The following TTC7B variants were observed in gnomAD, a reference collection of about 807,000 sequenced individuals.
The protein encoded by TTC7B is tetratricopeptide repeat domain 7B, also known as tetratricopeptide repeat protein 7B.
In TTC7B, 28 loss-of-function variants were observed where a neutral mutation model predicts 106.8. That is an observed-to-expected ratio of 0.26 (90% CI 0.19 to 0.36). The LOEUF is 0.36. Among genes scored for constraint, TTC7B ranks in the 10% least tolerant of loss-of-function variants. The pLI is 1.00. For synonymous variants in TTC7B, 405 were observed against 430.6 expected, an observed-to-expected ratio of 0.94 and a Z score of 0.74; for missense variants, 862 against 1,076.4, an observed-to-expected ratio of 0.80 and a Z score of 2.79.
intron 4 of TTC7B, among the ~76,000 whole-genome samples, chr14:90,738,614 A>T (rs1387789506): frequency 6.6e-6 from 1 of 152,154 alleles, no homozygotes; most frequent in Non-Finnish European, 1.5e-5. Flanking sequence ...GCTCAAAAAA[A>T]AAAAAGAGGT....
chr14:90,625,943 C>G (rs1884419798), intron 15 of TTC7B, among the ~76,000 whole-genome samples: 1 of 152,178 alleles, frequency 6.6e-6, no homozygotes, highest in African/African-American at 2.4e-5. Flanking sequence ...TCAAATAATA[C>G]TTTGCTACTC....
chr14:90,605,778 A>G (rs1428666133), intron 17 of TTC7B: 1 of 1,237,666 alleles, frequency 8.1e-7, no homozygotes, highest in Admixed American at 3.3e-5. Flanking sequence ...TGAAAGAGAA[A>G]AAAAGGGTGA....
At chr14:90,702,539 A>C (rs951735142) in intron 5 of TTC7B, among the ~76,000 whole-genome samples, 7 of 152,228 alleles carry the variant, frequency 4.6e-5, no homozygotes, top group Non-Finnish European at 1.0e-4. Flanking sequence ...TTAAAAAAAA[A>C]AAACTTTTGG....
rs1891323374 is a variant in TTC7B at position 90,577,925 on chromosome 14, C to T, written c.2310+181G>A. 6.6e-6 allele frequency among the ~76,000 whole-genome samples: 1 copy of T among 152,220 alleles called. No individual in the cohort carries two copies. Among genetic ancestry groups the T allele is most frequent in the Non-Finnish European group, 1.5e-5 (1 of 68,034 alleles). ...CTATACACAGCCAACTCTGGGGGTG[C>T]CATTTGCATAAACTATGGTAGAAAC... is the stretch of plus-strand genomic sequence containing the variant. On this transcript the variant is annotated intron_variant, in intron 19 of 19. Transcript: ENST00000328459. This position sits in a 1 kb window ranked among gnomAD's most constrained non-coding sequence, Gnocchi z 5.0.
intron 19 of TTC7B, among the ~76,000 whole-genome samples, chr14:90,568,901 A>T (rs1395923982): frequency 6.6e-6 from 1 of 152,252 alleles, no homozygotes; most frequent in Non-Finnish European, 1.5e-5. Flanking sequence ...AAGCTAAAAA[A>T]GTGCAGTTTC....
At chr14:90,709,992 A>AG (rs1427336076) in intron 5 of TTC7B, among the ~76,000 whole-genome samples, 2 of 150,926 alleles carry the variant, frequency 1.3e-5, no homozygotes, top group African/African-American at 2.4e-5. Flanking sequence ...AAAAAAAAAA[A>AG]AAAGAAAAGA....
At position 90,536,979 on chromosome 14, in the gene TTC7B, A is replaced by C. The variant is rs1229212330; in HGVS notation, c.*4389T>G. The C allele has an allele frequency of 6.6e-6, 1 of 152,568 alleles. No individual in the cohort carries two copies. Among genetic ancestry groups the C allele is most frequent in the Non-Finnish European group, 1.5e-5 (1 of 68,324 alleles). The allele number at this position is 152,568 out of a possible 1,614,324, so 9.5% of individuals were successfully genotyped here. A position where few individuals can be genotyped will look rare whatever the true frequency, so the allele number is the denominator to read the frequency against. On this transcript the variant is annotated 3_prime_UTR_variant, in exon 20 of 20. Coordinates refer to ENST00000328459, the MANE Select transcript of TTC7B (RefSeq NM_001010854.2). Reference sequence around the variant, plus strand: ...TCAAAGGCAGAAAGGTGACGCAGTGACGGAGCAGAGGAAGGAAAGGTGACG... The same window carrying C: ...TCAAAGGCAGAAAGGTGACGCAGTGCCGGAGCAGAGGAAGGAAAGGTGACG...
intron 3 of TTC7B, among the ~76,000 whole-genome samples, chr14:90,765,387 T>C (rs181124553): frequency 3.3e-5 from 5 of 152,312 alleles, no homozygotes; most frequent in Admixed American, 2.6e-4. Flanking sequence ...CTGAAATTGA[T>C]TGTGGTGATG....
intron 15 of TTC7B, among the ~76,000 whole-genome samples, chr14:90,634,494 G>A (rs559612282): frequency 3.9e-5 from 6 of 152,166 alleles, no homozygotes; most frequent in South Asian, 4.1e-4. Flanking sequence ...GAGGGAGGCC[G>A]GGTGGGGTGG....
intron 13 of TTC7B, among the ~76,000 whole-genome samples, chr14:90,650,455 T>C (rs1309174745): frequency 1.4e-4 from 21 of 152,194 alleles, no homozygotes; most frequent in Admixed American, 1.4e-3. Flanking sequence ...GCAAGTCCCA[T>C]GTTCTGGGAA....
At chr14:90,792,346 G>A (rs1231323174) in intron 1 of TTC7B, among the ~76,000 whole-genome samples, 1 of 152,146 alleles carries the variant, frequency 6.6e-6, no homozygotes, top group Admixed American at 6.6e-5. Flanking sequence ...GGAGGCCGAG[G>A]CAGGTGGATC....
At chr14:90,586,331 T>C (rs1300935369) in intron 18 of TTC7B, among the ~76,000 whole-genome samples, 3 of 152,180 alleles carry the variant, frequency 2.0e-5, no homozygotes, top group Non-Finnish European at 4.4e-5. Flanking sequence ...AGTGCAGTGG[T>C]GCGATCTCGG....
chr14:90,744,265 G>C (rs1889876452), intron 4 of TTC7B, among the ~76,000 whole-genome samples: 1 of 152,280 alleles, frequency 6.6e-6, no homozygotes, highest in Middle Eastern at 3.4e-3. Context: ...CTGCTCAGAG[G>C]ATGCTAAAAT....
chr14:90,741,320 T>C (rs1393608897), intron 4 of TTC7B, among the ~76,000 whole-genome samples: 2 of 152,118 alleles, frequency 1.3e-5, no homozygotes, highest in African/African-American at 2.4e-5. Flanking sequence ...AAGTCACTGG[T>C]CACGACACTC....
At chr14:90,602,628 G>A (rs180749103) in intron 17 of TTC7B, among the ~76,000 whole-genome samples, 1 of 152,154 alleles carries the variant, frequency 6.6e-6, no homozygotes, top group East Asian at 1.9e-4. Context: ...TTGAGCCCTG[G>A]GGTTCCAGGC....
intron 1 of TTC7B, among the ~76,000 whole-genome samples, chr14:90,794,749 C>T (rs1438396424): frequency 6.6e-6 from 1 of 152,096 alleles, no homozygotes; most frequent in Non-Finnish European, 1.5e-5. Flanking sequence ...AGTTAATCTC[C>T]CAACAAATTA....
rs2030550708 is a variant in TTC7B at position 90,805,464 on chromosome 14, C to A, written c.121+10711G>T. ...TACTTTTAGTAGAGACAGAGTTTCA[C>A]CATGTTGGCCGGGCTGGTCTCGAAA... On this transcript the variant is annotated intron_variant, in intron 1 of 19. Transcript: ENST00000328459. This position sits in a 1 kb window ranked among gnomAD's most constrained non-coding sequence, Gnocchi z 4.0. 6.6e-6 allele frequency among the ~76,000 whole-genome samples: 1 copy of A among 152,164 alleles called. No homozygotes were observed. The highest frequency in any genetic ancestry group is 2.4e-5 in the African/African-American group (1 of 41,438).
chr14:90,664,932 G>A lies in TTC7B; in HGVS notation c.1153-6545C>T, dbSNP rs113321693. Among the ~76,000 whole-genome samples the A allele has an allele frequency of 8.3e-3, 1,266 of 152,252 alleles. 17 individuals are homozygous for A. Among genetic ancestry groups the A allele is most frequent in the African/African-American group, 0.029 (1,200 of 41,530 alleles). ...TTCAGGGTTCTGAAGGGCAGATGAA[G>A]GGGAGAATGAGAACCCCTGGGAATG... On this transcript the variant is annotated intron_variant, in intron 9 of 19. Transcript: ENST00000328459.
intron 3 of TTC7B, among the ~76,000 whole-genome samples, chr14:90,760,223 G>GT (rs756962801): frequency 4.7e-4 from 72 of 152,116 alleles, no homozygotes; most frequent in Non-Finnish European, 8.4e-4. Context: ...ATAAACAGAG[G>GT]TGGGGGGTTG....
Sources: allele counts gnomAD v4.1 joint callset (sites outside exome capture counted in the v4.1 genomes callset), GRCh38; gene constraint gnomAD v4.1.1; non-coding constraint Gnocchi (gnomAD v3.1); transcripts MANE v1.5; gene names NCBI Gene and HGNC (gene_info 2026-07-23, HGNC 2026-07-21).